GABBR2: variants seen among roughly 807,000 people sequenced by gnomAD.
The protein encoded by GABBR2 is gamma-aminobutyric acid type B receptor subunit 2.
Under a neutral mutation model 105.6 loss-of-function variants are expected in GABBR2, and 23 were observed. That is an observed-to-expected ratio of 0.22 (90% CI 0.16 to 0.31). GABBR2 has a LOEUF of 0.31. Among genes scored for constraint, GABBR2 ranks in the 10% least tolerant of loss-of-function variants. The pLI is 1.00. For missense variants in GABBR2, 734 were observed against 1,245.5 expected (o/e 0.59, Z 6.18); for synonymous variants, 478 against 499.7 (o/e 0.96, Z 0.58).
chr9:98,639,072 T>C (rs2131834713), intron 1 of GABBR2, among the ~76,000 whole-genome samples: 1 of 152,324 alleles, frequency 6.6e-6, no homozygotes, highest in Non-Finnish European at 1.5e-5. Context: ...AGCAGCCCGA[T>C]ACTTAGTTTG....
chr9:98,699,291 G>A lies in GABBR2; in HGVS notation c.321+9126C>T, dbSNP rs139993046. Among the ~76,000 whole-genome samples the A allele has an allele frequency of 4.6e-5, 7 of 152,198 alleles. No homozygotes were observed. In the East Asian group the frequency reaches 9.7e-4, roughly 21 times the overall value. On this transcript the variant is annotated intron_variant, in intron 1 of 18. Coordinates refer to ENST00000259455, the MANE Select transcript of GABBR2 (RefSeq NM_005458.8). ...GATGGTGCATATATTTGTCAGAGAC[G>A]AAGAAAATGACATCAGCTTTGCACC...
chr9:98,295,716 G>A (rs1461889545), intron 17 of GABBR2, among the ~76,000 whole-genome samples: 2 of 152,124 alleles, frequency 1.3e-5, no homozygotes, highest in African/African-American at 4.8e-5. Flanking sequence ...AGTGGAGACA[G>A]GGTTTCACCA....
chr9:98,417,723 A>T (rs1427429232), intron 7 of GABBR2, among the ~76,000 whole-genome samples: 1 of 152,058 alleles, frequency 6.6e-6, no homozygotes, highest in Non-Finnish European at 1.5e-5. Context: ...TCTAACAGAG[A>T]TGACAGAATT....
chr9:98,603,409 T>C (rs1182593028), intron 1 of GABBR2, among the ~76,000 whole-genome samples: 2 of 152,244 alleles, frequency 1.3e-5, no homozygotes, highest in African/African-American at 4.8e-5. Context: ...CTAATTACTT[T>C]TTAGGGAGCA....
At chr9:98,363,957 C>T (rs1474639130) in intron 12 of GABBR2, among the ~76,000 whole-genome samples, 1 of 152,062 alleles carries the variant, frequency 6.6e-6, no homozygotes, top group African/African-American at 2.4e-5. Context: ...GAAAAACAAA[C>T]AAAACTCAGG....
In GABBR2 at chr9:98,288,479, C is replaced by T. The variant is rs1830234501; in HGVS notation, c.*2105G>A. On this transcript the variant is annotated 3_prime_UTR_variant, in exon 19 of 19. Coordinates refer to ENST00000259455, the MANE Select transcript of GABBR2 (RefSeq NM_005458.8). ...GGTTACAGACGCACAGGCTCACCTC[C>T]GACAGTCCAATACTTTTGTTTGTTT... is the stretch of plus-strand genomic sequence containing the variant. 6.6e-6 allele frequency: 1 copy of T among 152,570 alleles called. No individual in the cohort carries two copies. Among genetic ancestry groups the T allele is most frequent in the Non-Finnish European group, 1.5e-5 (1 of 68,040 alleles). The allele number at this position is 152,570 out of a possible 1,614,324, so 9.5% of individuals were successfully genotyped here. A position where few individuals can be genotyped will look rare whatever the true frequency, so the allele number is the denominator to read the frequency against.
At chr9:98,360,587 C>G (rs893688937) in intron 13 of GABBR2, among the ~76,000 whole-genome samples, 3 of 152,150 alleles carry the variant, frequency 2.0e-5, no homozygotes, top group African/African-American at 4.8e-5. Context: ...CCCTGGGACT[C>G]CTCAGTTTGA....
chr9:98,669,026 T>C (rs1336352506), intron 1 of GABBR2, among the ~76,000 whole-genome samples: 1 of 152,126 alleles, frequency 6.6e-6, no homozygotes, highest in African/African-American at 2.4e-5. Flanking sequence ...AGATATCTGT[T>C]TGAGTCCCTG....
chr9:98,604,710 G>A (rs1315732330), intron 1 of GABBR2, among the ~76,000 whole-genome samples: 1 of 152,042 alleles, frequency 6.6e-6, no homozygotes, highest in Non-Finnish European at 1.5e-5. Context: ...TTTATATAAG[G>A]CCCTTTCTAG....
At chr9:98,668,883 T>TTGTGTGTG (rs35341252) in intron 1 of GABBR2, among the ~76,000 whole-genome samples, 2 of 147,712 alleles carry the variant, frequency 1.4e-5, no homozygotes, top group East Asian at 2.0e-4. Context: ...ATATTCCATT[T>TTGTGTGTG]TGTGTGTGTG....
At chr9:98,439,635 CATGT>C (rs1323092006) in intron 7 of GABBR2, among the ~76,000 whole-genome samples, 1 of 152,120 alleles carries the variant, frequency 6.6e-6, no homozygotes, top group Non-Finnish European at 1.5e-5. Flanking sequence ...TGCATGCATG[CATGT>C]GAGTGTGTTT....
intron 1 of GABBR2, among the ~76,000 whole-genome samples, chr9:98,586,750 G>C (rs140464257): frequency 6.6e-6 from 1 of 152,322 alleles, no homozygotes; most frequent in Non-Finnish European, 1.5e-5. Flanking sequence ...ATGTTTGTGA[G>C]ATTTTTGCCG....
At chr9:98,408,989 C>T (rs551183254) in intron 7 of GABBR2, among the ~76,000 whole-genome samples, 6 of 152,232 alleles carry the variant, frequency 3.9e-5, no homozygotes, top group African/African-American at 9.6e-5. Flanking sequence ...GGGAAGACTC[C>T]GCTCAAGACG....
intron 3 of GABBR2, among the ~76,000 whole-genome samples, chr9:98,515,431 T>G (rs1393926683): frequency 6.6e-6 from 1 of 152,210 alleles, no homozygotes; most frequent in African/African-American, 2.4e-5. Flanking sequence ...ACTGCACTTT[T>G]TATTAGCAGC....
chr9:98,600,476 C>T (rs1808071128), intron 1 of GABBR2, among the ~76,000 whole-genome samples: 1 of 152,188 alleles, frequency 6.6e-6, no homozygotes, highest in Non-Finnish European at 1.5e-5. Context: ...TGGTCAGTGT[C>T]CCAGAAGGCA....
At chr9:98,664,210 T>C (rs1830304523) in intron 1 of GABBR2, among the ~76,000 whole-genome samples, 1 of 152,144 alleles carries the variant, frequency 6.6e-6, no homozygotes, top group Non-Finnish European at 1.5e-5. Context: ...GCCAAAATAT[T>C]ATGTCAAAAA....
intron 1 of GABBR2, 66 bp from the exon 2 acceptor site, chr9:98,578,138 C>T (rs1234694082): frequency 6.4e-7 from 1 of 1,569,676 alleles, no homozygotes; most frequent in Non-Finnish European, 8.7e-7. Flanking sequence ...GGCATGAGCC[C>T]AACAAACAAA....
intron 6 of GABBR2, among the ~76,000 whole-genome samples, chr9:98,471,352 A>G (rs186535849): frequency 6.6e-6 from 1 of 152,210 alleles, no homozygotes; most frequent in African/African-American, 2.4e-5. Flanking sequence ...AAGGTGTCCC[A>G]TGCATGAGAC....
chr9:98,365,943 G>A (rs1252006181), intron 12 of GABBR2, among the ~76,000 whole-genome samples: 2 of 152,142 alleles, frequency 1.3e-5, no homozygotes, highest in African/African-American at 4.8e-5. Context: ...ACTTCTCTCT[G>A]GGTTACGTCA....
Sources: allele counts gnomAD v4.1 joint callset (sites outside exome capture counted in the v4.1 genomes callset), GRCh38; gene constraint gnomAD v4.1.1; transcripts MANE v1.5; gene names NCBI Gene and HGNC (gene_info 2026-07-23, HGNC 2026-07-21).